AP3B2: variants seen among roughly 807,000 people sequenced by gnomAD.
AP3B2 encodes the protein AP-3 complex subunit beta-2.
In AP3B2, 50 loss-of-function variants were observed where a neutral mutation model predicts 126.9. That is an observed-to-expected ratio of 0.39 (90% CI 0.31 to 0.50). The LOEUF (loss-of-function observed/expected upper bound fraction) is 0.50. AP3B2 is among the 20% of genes least tolerant of loss of function. The pLI is 0.79. For missense variants in AP3B2, 1,177 were observed against 1,426.4 expected, an observed-to-expected ratio of 0.83 and a Z score of 2.82; for synonymous variants, 541 against 565.0, an observed-to-expected ratio of 0.96 and a Z score of 0.60.
chr15:82,693,202 GC>G (rs1443146391), intron 1 of AP3B2, among the ~76,000 whole-genome samples: 2 of 43,840 alleles, frequency 4.6e-5, no homozygotes, highest in African/African-American at 1.7e-4. Flanking sequence ...CCACCCCCCC[GC>G]CCCCGCCCCA....
At position 82,662,658 on chromosome 15, in the gene AP3B2, A is replaced by G. The variant is rs1410630626; in HGVS notation, c.2833+36T>C. 5 of 1,565,108 alleles carry G rather than the reference A, an allele frequency of 3.2e-6. No homozygotes were observed. In the South Asian group the frequency reaches 5.9e-5, roughly 18 times the overall value. ...CACAGAAAGACTGACTCTGCCCAGG[A>G]GCCTCCTCCTCCACCCCATCCAAAG... On this transcript the variant is annotated intron_variant, in intron 23 of 26. Transcript: ENST00000535359.
Position 82,664,809 on chromosome 15 carries a change from G to C in AP3B2, c.2137+26C>G, listed in dbSNP as rs530716337. 6.6e-7 allele frequency: 1 copy of C among 1,504,150 alleles called. No homozygotes were observed. The highest frequency in any genetic ancestry group is 1.4e-5 in the African/African-American group (1 of 72,652). 93.2% of individuals were successfully genotyped at this position (1,504,150 alleles called of 1,614,324 possible). ...CACAGATGCATGGGCAGAGCACAGA[G>C]GACCCCAGCTCTGCCATCTGCTCAC... On this transcript the variant is annotated intron_variant, in intron 18 of 26. Transcript: ENST00000535359. The surrounding 1 kb of genome is among the most constrained non-coding windows in gnomAD (Gnocchi z 4.5).
chr15:82,696,069 G>A (rs761359808), intron 1 of AP3B2, among the ~76,000 whole-genome samples: 12 of 151,922 alleles, frequency 7.9e-5, no homozygotes, highest in Non-Finnish European at 1.3e-4. Context: ...TTCCTTCTGC[G>A]TGCCTATATC....
rs768130337 is a variant in AP3B2, at chr15:82,689,461, G to C, written c.114-8C>G. 3 of 1,612,790 alleles carry C rather than the reference G, an allele frequency of 1.9e-6. No individual in the cohort carries two copies. The Admixed American group carries it at 5.0e-5, about 27-fold the overall frequency. The stretch of plus-strand genomic sequence containing the variant: ...TCCTTCAGGTCATCATGCCTGGTGG[G>C]AGGTACAAGAAGTCAGCTGAGGGCA... On this transcript the variant is annotated splice_region_variant and splice_polypyrimidine_tract_variant and intron_variant, in intron 1 of 26. Coordinates refer to ENST00000535359, the MANE Select transcript of AP3B2 (RefSeq NM_001278512.2).
intron 14 of AP3B2, among the ~76,000 whole-genome samples, 179 bp downstream of exon 14, chr15:82,676,282 C>T (rs1393430749): frequency 6.6e-6 from 1 of 152,182 alleles, no homozygotes; most frequent in Non-Finnish European, 1.5e-5. Context: ...ACCAGCACTA[C>T]AAGGTCTTTG....
At chr15:82,672,796 C>G (rs2048179060) in intron 14 of AP3B2, among the ~76,000 whole-genome samples, 1 of 152,206 alleles carries the variant, frequency 6.6e-6, no homozygotes, top group Admixed American at 6.5e-5. Flanking sequence ...CAGACTGGCT[C>G]TAGAGACTTT....
At chr15:82,660,627 C>G (rs1156731711) in intron 25 of AP3B2, among the ~76,000 whole-genome samples, 3 of 152,232 alleles carry the variant, frequency 2.0e-5, no homozygotes, top group Non-Finnish European at 4.4e-5. Context: ...GTCTGCTCTC[C>G]TGCACACCAG....
rs574360892 is a variant in AP3B2, at chr15:82,670,116, G to A, written c.1666-3183C>T. The stretch of plus-strand genomic sequence containing the variant: ...AATCAGTGGCTTTTTTTTTTTTGGC[G>A]GGGGGGGACGAAGATGAAGTCTCGC... On this transcript the variant is annotated intron_variant, in intron 14 of 26. Transcript: ENST00000535359. 6.5e-5 allele frequency among the ~76,000 whole-genome samples: 8 copies of A among 123,498 alleles called. 1 individual carries two copies. The highest frequency in any genetic ancestry group is 2.1e-4 in the African/African-American group (7 of 32,762). The allele number at this position is 123,498 out of a possible 152,430, so 81.0% of individuals were successfully genotyped here. A position where few individuals can be genotyped will look rare whatever the true frequency, so the allele number is the denominator to read the frequency against.
intron 1 of AP3B2, among the ~76,000 whole-genome samples, chr15:82,706,684 A>C (rs2151464050): frequency 6.6e-6 from 1 of 152,304 alleles, no homozygotes; most frequent in Non-Finnish European, 1.5e-5. Flanking sequence ...TGGTTCTCAG[A>C]CCAAGGAAAA....
At chr15:82,676,320 G>T in intron 14 of AP3B2, 141 bp downstream of exon 14, 1 of 836,768 alleles carries the variant, frequency 1.2e-6, no homozygotes. Context: ...TTGGTTATGT[G>T]GGCAGACCAG....
chr15:82,661,958 G>T (rs1344340742), intron 24 of AP3B2, 36 bp from the exon 25 acceptor site: 37 of 1,571,220 alleles, frequency 2.4e-5, no homozygotes, highest in Non-Finnish European at 3.2e-5. Flanking sequence ...AAGAATTAAG[G>T]CTGTCATCTC....
At chr15:82,668,104 C>T (rs1370352492) in intron 14 of AP3B2, among the ~76,000 whole-genome samples, 5 of 152,192 alleles carry the variant, frequency 3.3e-5, no homozygotes, top group Non-Finnish European at 7.3e-5. Flanking sequence ...AGCAGATGTC[C>T]ATAAGGGGCA....
At chr15:82,695,118 ACT>A (rs1408764781) in intron 1 of AP3B2, among the ~76,000 whole-genome samples, 3 of 133,130 alleles carry the variant, frequency 2.3e-5, no homozygotes, top group Non-Finnish European at 4.7e-5. Context: ...TTTTTTTGAC[ACT>A]GAGTCTTGCT....
intron 4 of AP3B2, among the ~76,000 whole-genome samples, chr15:82,684,162 A>G (rs2048389210): frequency 6.6e-6 from 1 of 152,222 alleles, no homozygotes; most frequent in South Asian, 2.1e-4. Context: ...AAAGCCAGGC[A>G]TTGACTTCTC....
At chr15:82,692,045 G>C in intron 1 of AP3B2, 1 of 1,483,006 alleles carries the variant, frequency 6.7e-7, no homozygotes, top group Admixed American at 1.9e-5. Flanking sequence ...CCTGAAACAA[G>C]AACTCGGAAA....
Position 82,681,283 on chromosome 15 carries a change from TCCATCTCTGTCAGTCCC to T in AP3B2, c.521+120_522-106del. On this transcript the variant is annotated intron_variant, in intron 5 of 26. Transcript: ENST00000535359. This position sits in a 1 kb window ranked among gnomAD's most constrained non-coding sequence, Gnocchi z 4.0. ...CTGCACCCCAGCCTTATTGTTCTCC[TCCATCTCTGTCAGTCCC>T]CCAAACTACCCTCCTCAAACCCTCT... 1 of 1,515,174 alleles carries T rather than the reference TCCATCTCTGTCAGTCCC, an allele frequency of 6.6e-7. No homozygotes were observed. The highest frequency in any genetic ancestry group is 2.4e-5 in the East Asian group (1 of 42,034). The allele number at this position is 1,515,174 out of a possible 1,614,324, so 93.9% of individuals were successfully genotyped here. A position where few individuals can be genotyped will look rare whatever the true frequency, so the allele number is the denominator to read the frequency against.
At chr15:82,682,701 A>G (rs2048361014) in intron 4 of AP3B2, among the ~76,000 whole-genome samples, 1 of 151,934 alleles carries the variant, frequency 6.6e-6, no homozygotes, top group South Asian at 2.1e-4. Flanking sequence ...AGACTGAGCA[A>G]CAGAGTGAGA....
At chr15:82,674,874 T>G (rs1049298330) in intron 14 of AP3B2, among the ~76,000 whole-genome samples, 3 of 151,640 alleles carry the variant, frequency 2.0e-5, no homozygotes, top group African/African-American at 7.3e-5. Context: ...CAAATGCACA[T>G]GTAGCTCACA....
intron 14 of AP3B2, among the ~76,000 whole-genome samples, chr15:82,669,722 G>A (rs1355321405): frequency 2.0e-5 from 3 of 149,330 alleles, no homozygotes; most frequent in Non-Finnish European, 3.0e-5. Flanking sequence ...CATTGTCCAG[G>A]CACAGTGGCT....
Sources: gnomAD v4.1 joint callset for allele counts (sites outside exome capture counted in the v4.1 genomes callset) on GRCh38, gnomAD v4.1.1 for gene constraint, Gnocchi (gnomAD v3.1) non-coding constraint, MANE v1.5 for transcripts, NCBI Gene and HGNC (gene_info 2026-07-23, HGNC 2026-07-21) for gene names.